Variants in DMRT1 observed in about 807,000 individuals in gnomAD.
DMRT1 encodes the protein doublesex and mab-3 related transcription factor 1.
Under a neutral mutation model 32.3 loss-of-function variants are expected in DMRT1, and 7 were observed. That is an observed-to-expected ratio of 0.22 (90% CI 0.12 to 0.41). The LOEUF (loss-of-function observed/expected upper bound fraction) is 0.41, where lower values mean the gene tolerates loss of function less well. DMRT1 is among the 10% of genes least tolerant of loss of function. The probability of loss-of-function intolerance (pLI) is 1.00; values close to 1 mark genes in which losing one functional copy is unlikely to be tolerated. For synonymous variants in DMRT1, 278 were observed against 206.1 expected, an observed-to-expected ratio of 1.35 and a Z score of -2.99; for missense variants, 625 against 500.5, an observed-to-expected ratio of 1.25 and a Z score of -2.37.
chr9:888,848 T>C (rs970446689), intron 2 of DMRT1, among the ~76,000 whole-genome samples: 7 of 151,880 alleles, frequency 4.6e-5, no homozygotes, highest in African/African-American at 1.5e-4. Flanking sequence ...TCTCCTGGGC[T>C]GGATGCAGTG....
At chr9:947,215 C>A (rs928436105) in intron 4 of DMRT1, among the ~76,000 whole-genome samples, 2 of 152,130 alleles carry the variant, frequency 1.3e-5, no homozygotes, top group Admixed American at 1.3e-4. Flanking sequence ...GAATGTGGCC[C>A]AACACAAATT....
chr9:843,126 C>CT (rs1352792180), intron 1 of DMRT1, among the ~76,000 whole-genome samples: 5 of 152,232 alleles, frequency 3.3e-5, no homozygotes, highest in African/African-American at 1.2e-4. Flanking sequence ...CCCAGAATCT[C>CT]TGACTCTCCC....
At chr9:898,489 T>C (rs1586586442) in intron 3 of DMRT1, among the ~76,000 whole-genome samples, 1 of 152,186 alleles carries the variant, frequency 6.6e-6, no homozygotes, top group African/African-American at 2.4e-5. Context: ...CTTTTTCTGC[T>C]GTTCCTGGAA....
At chr9:869,966 G>T (rs10758983) in intron 2 of DMRT1, among the ~76,000 whole-genome samples, 44,330 of 152,104 alleles carry the variant, frequency 0.29, 7,982 homozygotes, top group Non-Finnish European at 0.4. Flanking sequence ...ATATGGTAAT[G>T]TTGTAAAAAT....
intron 4 of DMRT1, among the ~76,000 whole-genome samples, chr9:947,779 G>T (rs1174064955): frequency 6.6e-6 from 1 of 152,082 alleles, no homozygotes; most frequent in Non-Finnish European, 1.5e-5. Context: ...CCAAGGGGAC[G>T]GTATAGCCCT....
intron 2 of DMRT1, among the ~76,000 whole-genome samples, chr9:847,554 A>C (rs1297969085): frequency 1.3e-5 from 2 of 152,212 alleles, no homozygotes; most frequent in African/African-American, 2.4e-5. Flanking sequence ...CCTAGTGTCA[A>C]ATTTGAATGA....
intron 2 of DMRT1, among the ~76,000 whole-genome samples, chr9:873,462 C>A (rs533395056): frequency 4.6e-5 from 7 of 151,836 alleles, no homozygotes; most frequent in East Asian, 3.9e-4. Context: ...CCTGCCACCA[C>A]GCCCAGCTAA....
intron 1 of DMRT1, among the ~76,000 whole-genome samples, chr9:844,161 C>T (rs924464571): frequency 1.3e-5 from 2 of 151,840 alleles, no homozygotes; most frequent in Non-Finnish European, 2.9e-5. Flanking sequence ...AGGCTGCTTA[C>T]ACCGTTAAAA....
chr9:883,098 T>A (rs1361182623), intron 2 of DMRT1, among the ~76,000 whole-genome samples: 1 of 151,842 alleles, frequency 6.6e-6, no homozygotes, highest in Non-Finnish European at 1.5e-5. Flanking sequence ...TCTTTCACTC[T>A]TTCCAGATTC....
chr9:916,616 C>T (rs1818191546), intron 3 of DMRT1, 147 bp from the exon 4 acceptor site: 1 of 936,052 alleles, frequency 1.1e-6, no homozygotes, highest in South Asian at 1.4e-5. Context: ...AAGCGATCCT[C>T]CCGCCCTGGC....
At chr9:852,761 C>T (rs1473328177) in intron 2 of DMRT1, among the ~76,000 whole-genome samples, 3 of 152,216 alleles carry the variant, frequency 2.0e-5, no homozygotes, top group East Asian at 1.9e-4. Context: ...CTCGGGCCCC[C>T]CTGGGCAGCT....
intron 4 of DMRT1, among the ~76,000 whole-genome samples, chr9:941,765 C>G (rs1033771199): frequency 3.3e-5 from 5 of 152,126 alleles, no homozygotes; most frequent in African/African-American, 1.2e-4. Context: ...TTATTTATAT[C>G]AAGTATCTTT....
intron 2 of DMRT1, among the ~76,000 whole-genome samples, chr9:865,100 G>A (rs887773015): frequency 2.6e-5 from 4 of 152,186 alleles, no homozygotes; most frequent in Admixed American, 6.5e-5. Context: ...TTGCGTTGAT[G>A]TGGAATGAGC....
At chr9:905,473 C>CGTGTGTGTGTGTGTGTGTGT (rs745430195) in intron 3 of DMRT1, among the ~76,000 whole-genome samples, 10 of 143,494 alleles carry the variant, frequency 7.0e-5, no homozygotes, top group Non-Finnish European at 1.5e-4. Flanking sequence ...CTCCCTTGCC[C>CGTGTGTGTGTGTGTGTGTGT]CTGTGTGTGT....
rs568384267 is a variant in DMRT1 at position 887,721 on chromosome 9, G to A, written c.539-6191G>A. On this transcript the variant is annotated intron_variant, in intron 2 of 4. Coordinates refer to ENST00000382276, the MANE Select transcript of DMRT1 (RefSeq NM_021951.3). ...CCTCCACTCTGGCTCATCACTCACC[G>A]TGGCCTTTTCTGACACCTCTCTATA... Among the ~76,000 whole-genome samples the A allele has an allele frequency of 5.9e-5, 9 of 152,028 alleles. No homozygotes were observed. In the East Asian group the frequency reaches 9.6e-4, roughly 16 times the overall value.
chr9:948,298 G>A (rs1342528913), intron 4 of DMRT1, among the ~76,000 whole-genome samples: 1 of 152,038 alleles, frequency 6.6e-6, no homozygotes, highest in Non-Finnish European at 1.5e-5. Context: ...TATCTTAAAT[G>A]AGATGAAGGG....
chr9:874,924 C>T (rs745357473), intron 2 of DMRT1, among the ~76,000 whole-genome samples: 1 of 150,154 alleles, frequency 6.7e-6, no homozygotes, highest in East Asian at 2.0e-4. Flanking sequence ...TCTCTTGCCT[C>T]AGCCTCTTGA....
Position 847,056 on chromosome 9 carries a change from A to T in DMRT1, c.451A>T (p.Asn151Tyr). The change falls in exon 2 of 5, where the codon AAC becomes TAC. Residue 151 changes from asparagine (N) to tyrosine (Y), a missense_variant. Physicochemically the swap from Asn to Tyr is moderately radical, Grantham distance 143. Coordinates refer to ENST00000382276, the MANE Select transcript of DMRT1 (RefSeq NM_021951.3). ...GGCCGAGCTGCTTGTCAAAAGAGAG[A>T]ACAATGGCAGTAACCCGTGCCTCAT... ...SAAELLVKRE[N>Y]NGSNPCLMTE... The T allele has an allele frequency of 1.2e-6, 2 of 1,614,070 alleles. No individual in the cohort carries two copies. Among genetic ancestry groups the T allele is most frequent in the Non-Finnish European group, 1.7e-6 (2 of 1,180,042 alleles).
At chr9:870,433 T>G (rs952944842) in intron 2 of DMRT1, among the ~76,000 whole-genome samples, 1 of 139,448 alleles carries the variant, frequency 7.2e-6, no homozygotes, top group Non-Finnish European at 1.6e-5. Context: ...ACAACATAGC[T>G]CTGGTCGCCA....
Sources: allele counts gnomAD v4.1 joint callset (sites outside exome capture counted in the v4.1 genomes callset), GRCh38; gene constraint gnomAD v4.1.1; transcripts MANE v1.5; gene names NCBI Gene and HGNC (gene_info 2026-07-23, HGNC 2026-07-21).